AIM2: variants seen among roughly 807,000 people sequenced by gnomAD.
AIM2 encodes absent in melanoma 2.
Under a neutral mutation model 27.7 loss-of-function variants are expected in AIM2, and 30 were observed. That is an observed-to-expected ratio of 1.08 (90% confidence interval 0.81 to 1.47). The LOEUF (loss-of-function observed/expected upper bound fraction) is 1.47, where lower values mean the gene tolerates loss of function less well. Among genes scored for constraint, AIM2 ranks in the 40% most tolerant of loss-of-function variants. The pLI is 0.00. For synonymous variants in AIM2, 141 were observed against 145.3 expected, an observed-to-expected ratio of 0.97 and a Z score of 0.21; for missense variants, 358 against 411.3, an observed-to-expected ratio of 0.87 and a Z score of 1.12.
chr1:159,121,045 A>G (rs1647522922), intron 1 of AIM2, among the ~76,000 whole-genome samples: 1 of 152,180 alleles, frequency 6.6e-6, no homozygotes, highest in African/African-American at 2.4e-5. Context: ...AACTTAACCA[A>G]CCTCCTAAAG....
upstream of AIM2, among the ~76,000 whole-genome samples, chr1:159,141,575 CA>C (rs1648110730): frequency 6.6e-6 from 1 of 152,056 alleles, no homozygotes; most frequent in South Asian, 2.1e-4. Flanking sequence ...CCTAGCATGA[CA>C]GTAGTCAAAA....
At chr1:159,106,839 C>A (rs1012283677) in intron 1 of AIM2, among the ~76,000 whole-genome samples, 2 of 152,206 alleles carry the variant, frequency 1.3e-5, no homozygotes, top group Admixed American at 6.5e-5. Context: ...GCTCTGTTTC[C>A]TCATCAACTA....
chr1:159,107,065 A>G (rs1438410660), intron 1 of AIM2, among the ~76,000 whole-genome samples: 1 of 152,206 alleles, frequency 6.6e-6, no homozygotes, highest in African/African-American at 2.4e-5. Flanking sequence ...AACTTTCTCT[A>G]AACTGGTCTA....
At chr1:159,100,772 C>T (rs1482116874) in intron 1 of AIM2, among the ~76,000 whole-genome samples, 1 of 152,174 alleles carries the variant, frequency 6.6e-6, no homozygotes, top group African/African-American at 2.4e-5. Flanking sequence ...CCGAATGAAC[C>T]ACTTAAACCC....
At chr1:159,115,731 A>T (rs1227770571) in intron 1 of AIM2, among the ~76,000 whole-genome samples, 3 of 152,240 alleles carry the variant, frequency 2.0e-5, no homozygotes, top group African/African-American at 7.2e-5. Context: ...TAAAAACCCT[A>T]GAAGAAAACC....
At chr1:159,116,665 A>C (rs1433824869) in intron 1 of AIM2, among the ~76,000 whole-genome samples, 1 of 152,050 alleles carries the variant, frequency 6.6e-6, no homozygotes, top group South Asian at 2.1e-4. Flanking sequence ...GGGGAACATC[A>C]CACAACAGGG....
intron 1 of AIM2, among the ~76,000 whole-genome samples, chr1:159,091,440 C>T (rs575840770): frequency 6.6e-6 from 1 of 152,348 alleles, no homozygotes; most frequent in East Asian, 1.9e-4. Flanking sequence ...TCCCTTTTGA[C>T]TACTGTCAGC....
chr1:159,123,066 T>C (rs565842050), intron 1 of AIM2, among the ~76,000 whole-genome samples: 2 of 152,164 alleles, frequency 1.3e-5, no homozygotes, highest in African/African-American at 4.8e-5. Flanking sequence ...TGGAAACCCC[T>C]CAAGTCACTG....
At chr1:159,141,779 G>GT (rs1557918153), upstream of AIM2, among the ~76,000 whole-genome samples, 11 of 152,018 alleles carry the variant, frequency 7.2e-5, no homozygotes, top group African/African-American at 2.4e-5. Flanking sequence ...GAGCGGTGGG[G>GT]GGGGACAGGG....
At chr1:159,144,298 C>T (rs1439270873), upstream of AIM2, among the ~76,000 whole-genome samples, 3 of 152,138 alleles carry the variant, frequency 2.0e-5, no homozygotes, top group Non-Finnish European at 4.4e-5. Context: ...ACAAGTGTCT[C>T]CTTATACTTA....
At chr1:159,119,796 TTGTG>T (rs372293063) in intron 1 of AIM2, among the ~76,000 whole-genome samples, 1 of 150,662 alleles carries the variant, frequency 6.6e-6, no homozygotes, top group East Asian at 1.9e-4. Context: ...GTGCATGTGT[TTGTG>T]TGTGTGTGTG....
chr1:159,099,277 G>C (rs1350139231), intron 1 of AIM2, among the ~76,000 whole-genome samples: 3 of 152,182 alleles, frequency 2.0e-5, no homozygotes, highest in Non-Finnish European at 4.4e-5. Context: ...AGGATTGAAA[G>C]GACAGTCAGA....
chr1:159,057,159 G>C, the AIM2 span, among the ~76,000 whole-genome samples: 1 of 152,234 alleles, frequency 6.6e-6, no homozygotes, highest in Non-Finnish European at 1.5e-5. Flanking sequence ...CAGCACCATG[G>C]GTGGTAAAGC....
chr1:159,114,578 C>T (rs4233417), intron 1 of AIM2, among the ~76,000 whole-genome samples: 107,261 of 152,028 alleles, frequency 0.71, 40,555 homozygotes, highest in South Asian at 0.92. Context: ...GGCATGATGG[C>T]GCATGCTTGT....
At chr1:159,101,804 G>A (rs763850637) in intron 1 of AIM2, among the ~76,000 whole-genome samples, 8 of 152,140 alleles carry the variant, frequency 5.3e-5, no homozygotes, top group Non-Finnish European at 1.0e-4. Flanking sequence ...AGATGATTTA[G>A]GGTATCTGGT....
At chr1:159,138,906 T>C (rs1420330705) in intron 1 of AIM2, among the ~76,000 whole-genome samples, 1 of 152,238 alleles carries the variant, frequency 6.6e-6, no homozygotes, top group African/African-American at 2.4e-5. Context: ...TGAAGTGACT[T>C]CATAAAAAAC....
intron 2 of AIM2, among the ~76,000 whole-genome samples, chr1:159,072,672 G>A (rs1191274076): frequency 1.3e-5 from 2 of 152,202 alleles, no homozygotes; most frequent in Non-Finnish European, 2.9e-5. Flanking sequence ...TGGAGATAGA[G>A]AGGAAAGAAA....
At chr1:159,117,959 T>C (rs1047603789) in intron 1 of AIM2, among the ~76,000 whole-genome samples, 4 of 152,218 alleles carry the variant, frequency 2.6e-5, no homozygotes, top group Non-Finnish European at 4.4e-5. Context: ...ATAAATTTAT[T>C]GATGAAGCAT....
chr1:159,121,039 T>C (rs1365806006), intron 1 of AIM2, among the ~76,000 whole-genome samples: 2 of 152,184 alleles, frequency 1.3e-5, no homozygotes, highest in Non-Finnish European at 2.9e-5. Context: ...TATTGTAACT[T>C]AACCAACCTC....
Sources: allele counts gnomAD v4.1 joint callset (sites outside exome capture counted in the v4.1 genomes callset), GRCh38; gene constraint gnomAD v4.1.1; transcripts MANE v1.5; gene names NCBI Gene and HGNC (gene_info 2026-07-23, HGNC 2026-07-21).